The following NAV2 variants were observed in gnomAD, a reference collection of about 807,000 sequenced individuals.
The protein encoded by NAV2 is helicase, APC down-regulated 1.
Under a neutral mutation model 223.2 loss-of-function variants are expected in NAV2, and 54 were observed. The observed-to-expected ratio is 0.24, with a 90% CI of 0.19 to 0.30. The LOEUF (loss-of-function observed/expected upper bound fraction) is 0.30, where lower values mean the gene tolerates loss of function less well. Ranked by LOEUF, NAV2 falls within the 10% of genes least tolerant of loss-of-function variation. The pLI is 1.00. For missense variants in NAV2, 2,806 were observed against 3,147.5 expected, an observed-to-expected ratio of 0.89 and a Z score of 2.60; for synonymous variants, 1,279 against 1,239.3, an observed-to-expected ratio of 1.03 and a Z score of -0.67.
At chr11:19,620,314 G>C (rs1427210726) in intron 1 of NAV2, among the ~76,000 whole-genome samples, 1 of 152,192 alleles carries the variant, frequency 6.6e-6, no homozygotes, top group East Asian at 1.9e-4. Context: ...TTGGTAGCTT[G>C]ATGGGGATGG....
intron 1 of NAV2, among the ~76,000 whole-genome samples, chr11:19,576,594 A>G (rs1391064018): frequency 6.6e-6 from 1 of 152,242 alleles, no homozygotes; most frequent in African/African-American, 2.4e-5. Context: ...ATGCAAATAC[A>G]TGAATATGAT....
intron 1 of NAV2, among the ~76,000 whole-genome samples, chr11:19,658,023 G>T (rs377463112): frequency 3.3e-5 from 5 of 152,184 alleles, no homozygotes; most frequent in East Asian, 1.9e-4. Flanking sequence ...CTCATACTAT[G>T]TAACAGACAC....
intron 35 of NAV2, chr11:20,107,204 A>T (rs1592187790): frequency 6.8e-6 from 1 of 147,824 alleles, no homozygotes; most frequent in African/African-American, 2.5e-5. Context: ...CAGCCTCCCG[A>T]GTAGCTGGGA....
intron 19 of NAV2, chr11:20,056,582 A>G (rs746137162): frequency 3.3e-5 from 53 of 1,614,060 alleles, no homozygotes; most frequent in Non-Finnish European, 4.5e-5. Context: ...TTCACAGCTC[A>G]CTTCATTTCT....
At chr11:19,547,920 G>A (rs1056073277) in intron 1 of NAV2, among the ~76,000 whole-genome samples, 59 of 152,176 alleles carry the variant, frequency 3.9e-4, no homozygotes, top group African/African-American at 1.4e-3. Context: ...TTCAATGTCT[G>A]GAACTTGGCG....
At chr11:19,684,291 A>G (rs572513428) in intron 1 of NAV2, among the ~76,000 whole-genome samples, 3 of 152,184 alleles carry the variant, frequency 2.0e-5, no homozygotes, top group African/African-American at 7.2e-5. Context: ...CCTTGTCACA[A>G]TGTCCTCCCA....
At chr11:19,632,997 C>G (rs2047388039) in intron 1 of NAV2, among the ~76,000 whole-genome samples, 1 of 152,218 alleles carries the variant, frequency 6.6e-6, no homozygotes, top group African/African-American at 2.4e-5. Context: ...CCTGAAGATG[C>G]TGCCTCCTTT....
At chr11:19,842,424 A>T (rs776755378) in intron 2 of NAV2, among the ~76,000 whole-genome samples, 11 of 152,164 alleles carry the variant, frequency 7.2e-5, no homozygotes, top group Non-Finnish European at 1.5e-4. Flanking sequence ...AAGCAATATT[A>T]ATCTGGCCAA....
chr11:19,430,031 C>A (rs1850984612), intron 1 of NAV2, among the ~76,000 whole-genome samples: 1 of 152,134 alleles, frequency 6.6e-6, no homozygotes, highest in Admixed American at 6.5e-5. Context: ...AAACTTTATC[C>A]CTCTCATCAG....
At chr11:19,719,843 C>T (rs2050617292) in intron 1 of NAV2, among the ~76,000 whole-genome samples, 1 of 152,228 alleles carries the variant, frequency 6.6e-6, no homozygotes, top group Admixed American at 6.5e-5. Flanking sequence ...GACATGCCAT[C>T]TTTATAACAG....
chr11:19,610,202 T>A (rs1216511411), intron 1 of NAV2, among the ~76,000 whole-genome samples: 5 of 152,218 alleles, frequency 3.3e-5, no homozygotes, highest in African/African-American at 9.6e-5. Flanking sequence ...CTGAAATAAA[T>A]CCCCTCCTTA....
At chr11:19,518,357 C>T (rs1488481301) in intron 1 of NAV2, 1 of 152,244 alleles carries the variant, frequency 6.6e-6, no homozygotes, top group Non-Finnish European at 1.5e-5. Flanking sequence ...GCCCAGGAAG[C>T]TCTCCTGACC....
At chr11:20,051,463 T>G in intron 17 of NAV2, 130 bp downstream of exon 17, 1 of 800,546 alleles carries the variant, frequency 1.2e-6, no homozygotes, top group Non-Finnish European at 2.2e-6. Context: ...AGCAGGACCT[T>G]TTGGATGACG....
At chr11:19,777,983 G>A (rs1036991258) in intron 1 of NAV2, 12 of 455,838 alleles carry the variant, frequency 2.6e-5, no homozygotes, top group African/African-American at 2.0e-4. Context: ...TGAGCCCCGA[G>A]TGAGTGAGTA....
chr11:19,964,369 C>T (rs2048579174), intron 10 of NAV2, among the ~76,000 whole-genome samples: 1 of 152,090 alleles, frequency 6.6e-6, no homozygotes, highest in African/African-American at 2.4e-5. Context: ...AGCCTCTGAC[C>T]AAGTATATAT....
At chr11:19,821,914 C>T (rs927578769) in intron 1 of NAV2, among the ~76,000 whole-genome samples, 11 of 152,172 alleles carry the variant, frequency 7.2e-5, no homozygotes, top group African/African-American at 2.7e-4. Flanking sequence ...AACAGTGTGG[C>T]ATCATTAGGA....
At chr11:19,951,160 G>T (rs1847319022) in intron 10 of NAV2, among the ~76,000 whole-genome samples, 1 of 152,184 alleles carries the variant, frequency 6.6e-6, no homozygotes, top group African/African-American at 2.4e-5. Context: ...CCTACCTAGG[G>T]GCAGAGGGAT....
At chr11:19,440,606 A>G (rs1468390952) in intron 1 of NAV2, among the ~76,000 whole-genome samples, 3 of 152,188 alleles carry the variant, frequency 2.0e-5, no homozygotes, top group African/African-American at 7.2e-5. Flanking sequence ...GAGGATGCTG[A>G]AAGTACTGAC....
At chr11:19,504,928 A>T (rs1366739779) in intron 1 of NAV2, 1 of 152,236 alleles carries the variant, frequency 6.6e-6, no homozygotes, top group Non-Finnish European at 1.5e-5. Flanking sequence ...TCAGATGAGG[A>T]ACCTCAGGCA....
Sources: gnomAD v4.1 joint callset for allele counts (sites outside exome capture counted in the v4.1 genomes callset) on GRCh38, gnomAD v4.1.1 for gene constraint, MANE v1.5 for transcripts, NCBI Gene and HGNC (gene_info 2026-07-23, HGNC 2026-07-21) for gene names.